The following ABCA3 variants were observed in gnomAD, a reference collection of about 807,000 sequenced individuals.
The protein encoded by ABCA3 is ATP binding cassette subfamily A member 3.
A neutral mutation model predicts 172.8 loss-of-function variants in ABCA3; 88 were observed. The observed-to-expected ratio is 0.51, with a 90% CI of 0.43 to 0.61. ABCA3 has a LOEUF of 0.61. Among genes scored for constraint, ABCA3 ranks in the 20% least tolerant of loss-of-function variants. The pLI, the probability that ABCA3 is intolerant of heterozygous loss-of-function variation, is 0.00. For synonymous variants in ABCA3, 1,066 were observed against 983.8 expected, an observed-to-expected ratio of 1.08 and a Z score of -1.56; for missense variants, 2,164 against 2,301.0, an observed-to-expected ratio of 0.94 and a Z score of 1.22.
At position 2,308,430 on chromosome 16, in the gene ABCA3, T is replaced by C. The variant is rs1567347716; in HGVS notation, c.1285+20A>G. On this transcript the variant is annotated intron_variant, in intron 11 of 32. Transcript: ENST00000301732. ...GGTTACTGATTCGGAAAGAACAGGC[T>C]GGACAAGGCAAACACTCACCTTTCG... 6.2e-7 allele frequency: 1 copy of C among 1,614,012 alleles called. No individual in the cohort carries two copies. Among genetic ancestry groups the C allele is most frequent in the African/African-American group, 1.3e-5 (1 of 75,058 alleles).
rs139954112 is a variant in ABCA3, at chr16:2,276,688, C to A, written c.5101G>T (p.Glu1701Ter). 3.1e-6 allele frequency: 5 copies of A among 1,613,550 alleles called. No individual in the cohort carries two copies. The change falls in exon 33 of 33, where the codon GAG becomes TAG. Residue 1701 changes from glutamate to a stop codon, truncating the protein, a stop_gained. Transcript: ENST00000301732. LOFTEE classifies it high-confidence loss of function. ...GCCGCCACCCCTCATCGCCCCTCCT[C>A]TGCGGTGGGCGGCTGCAGGTGGGCG... ...SFAHLQPPTA[E>*]EGR
chr16:2,295,061 C>G (rs978483762), intron 18 of ABCA3, among the ~76,000 whole-genome samples: 3 of 151,936 alleles, frequency 2.0e-5, no homozygotes, highest in African/African-American at 7.3e-5. Flanking sequence ...AAACAACAAA[C>G]TGGAGAAAAG....
chr16:2,292,820 C>A (rs1173550855), intron 18 of ABCA3, among the ~76,000 whole-genome samples: 1 of 151,550 alleles, frequency 6.6e-6, no homozygotes, highest in Non-Finnish European at 1.5e-5. Context: ...CCAGTCATGG[C>A]GGCTTGTGCC....
At chr16:2,339,729 T>C (rs1203650492) in intron 1 of ABCA3, among the ~76,000 whole-genome samples, 3 of 152,110 alleles carry the variant, frequency 2.0e-5, no homozygotes, top group African/African-American at 7.2e-5. Context: ...GAGTGCACAG[T>C]CCAGGACGTA....
intron 18 of ABCA3, 61 bp downstream of exon 18, chr16:2,295,529 A>C: frequency 6.2e-7 from 1 of 1,601,764 alleles, no homozygotes; most frequent in Non-Finnish European, 8.5e-7. Flanking sequence ...CAAAGCCCTC[A>C]TGGCCCATGG....
Position 2,284,394 on chromosome 16 carries a change from G to A in ABCA3, c.3747C>T (p.Phe1249=). 1 of 1,613,976 alleles carries A rather than the reference G, an allele frequency of 6.2e-7. No homozygotes were observed. The highest frequency in any genetic ancestry group is 1.1e-5 in the South Asian group (1 of 91,092). Residue 1249 remains phenylalanine (F), a synonymous_variant, in exon 25 of 33, where the codon TTC becomes TTT. Coordinates refer to ENST00000301732, the MANE Select transcript of ABCA3 (RefSeq NM_001089.3). This position sits in a 1 kb window ranked among gnomAD's most constrained non-coding sequence, Gnocchi z 5.9. The part of the protein sequence containing the change: ...EELSKTLDHV[F]LVLPNHCLGM... ...CCAGACAGTGGTTGGGCAGCACCAG[G>A]AACACGTGATCCAGGGTTTTGGAAA...
At chr16:2,302,588 T>C (rs1320023630) in intron 12 of ABCA3, among the ~76,000 whole-genome samples, 1 of 152,036 alleles carries the variant, frequency 6.6e-6, no homozygotes, top group Non-Finnish European at 1.5e-5. Context: ...CAAGTGATTC[T>C]TCTGCCTCAG....
At position 2,328,502 on chromosome 16, in the gene ABCA3, C is replaced by A. The variant is rs780897469; in HGVS notation, c.-76G>T. 3 of 512,720 alleles carry A rather than the reference C, an allele frequency of 5.9e-6. No homozygotes were observed. The highest frequency in any genetic ancestry group is 1.4e-5 in the South Asian group (1 of 69,948). 31.8% of individuals were successfully genotyped at this position (512,720 alleles called of 1,614,324 possible). ...GTAAGTTCAAGTAGGCGCTGCAACC[C>A]GCAGGAAATAGGAGAAACGTGCTCT... On this transcript the variant is annotated 5_prime_UTR_variant, in exon 3 of 33. Transcript: ENST00000301732.
At chr16:2,291,429 C>T (rs1450653820) in intron 19 of ABCA3, among the ~76,000 whole-genome samples, 1 of 151,830 alleles carries the variant, frequency 6.6e-6, no homozygotes, top group Non-Finnish European at 1.5e-5. Context: ...GGATGACAGG[C>T]GTGAGCCACC....
chr16:2,308,720 G>T, intron 10 of ABCA3, 97 bp from the exon 11 acceptor site: 1 of 1,421,416 alleles, frequency 7.0e-7, no homozygotes, highest in Non-Finnish European at 9.7e-7. Flanking sequence ...TCCTGGGGCC[G>T]AGCCACCCAA....
At chr16:2,301,571 G>A (rs1167531376) in intron 12 of ABCA3, among the ~76,000 whole-genome samples, 1 of 151,908 alleles carries the variant, frequency 6.6e-6, no homozygotes, top group African/African-American at 2.4e-5. Context: ...TTAGGTGCGT[G>A]TAGTGGTGGG....
At position 2,277,939 on chromosome 16, in the gene ABCA3, T is replaced by G. The variant is rs2093649142; in HGVS notation, c.4849A>C (p.Ser1617Arg). 6.2e-7 allele frequency: 1 copy of G among 1,611,830 alleles called. No individual in the cohort carries two copies. The highest frequency in any genetic ancestry group is 1.3e-5 in the African/African-American group (1 of 74,880). ...SGYSLRAKVQ[S>R]EGQQEALEEF... ...TCCAGCGCCTCCTGTTGCCCTTCAC[T>G]CTGCACCTTGGCCCGCAGGGAGTAG... The change falls in exon 31 of 33, where the codon AGT becomes CGT. Residue 1617 changes from serine (S) to arginine (R), a missense_variant. Ser to Arg is a moderately radical substitution (Grantham distance 110, BLOSUM62 -1). Coordinates refer to ENST00000301732, the MANE Select transcript of ABCA3 (RefSeq NM_001089.3). The surrounding 1 kb of genome is among the most constrained non-coding windows in gnomAD (Gnocchi z 5.3).
chr16:2,337,832 G>A (rs562559242), intron 1 of ABCA3, among the ~76,000 whole-genome samples: 6 of 152,342 alleles, frequency 3.9e-5, no homozygotes, highest in African/African-American at 9.6e-5. Flanking sequence ...GCTTGCTGGC[G>A]CTCATACTCA....
Position 2,322,050 on chromosome 16 carries a change from T to C in ABCA3, c.613+1473A>G, listed in dbSNP as rs558690855. Among the ~76,000 whole-genome samples, 9 of 151,938 alleles carry C rather than the reference T, an allele frequency of 5.9e-5. No individual in the cohort carries two copies. The East Asian group carries it at 1.7e-3, about 29-fold the overall frequency. On this transcript the variant is annotated intron_variant, in intron 7 of 32. Coordinates refer to ENST00000301732, the MANE Select transcript of ABCA3 (RefSeq NM_001089.3). ...CCGTCTCTACTAAAAATACAAAAAT[T>C]AGCTGGGCGTGGTGGTGTGCGCCTG...
Position 2,277,866 on chromosome 16 carries a change from G to T in ABCA3, c.4909+13C>A, listed in dbSNP as rs555551542. On this transcript the variant is annotated intron_variant, in intron 31 of 32. Coordinates refer to ENST00000301732, the MANE Select transcript of ABCA3 (RefSeq NM_001089.3). The surrounding 1 kb of genome is among the most constrained non-coding windows in gnomAD (Gnocchi z 5.3). ...GGGCCCACCCAGTGGGGGCTGCCGGGGCCGGCACACACCTGGAAAGGTCAG... is the reference window on the plus strand; with the variant it reads ...GGGCCCACCCAGTGGGGGCTGCCGGTGCCGGCACACACCTGGAAAGGTCAG... 9 of 1,608,066 alleles carry T rather than the reference G, an allele frequency of 5.6e-6. No homozygotes were observed. The East Asian group carries it at 2.0e-4, about 36-fold the overall frequency.
intron 18 of ABCA3, among the ~76,000 whole-genome samples, chr16:2,295,258 TAGTTCTG>T (rs1268347678): frequency 6.6e-6 from 1 of 152,012 alleles, no homozygotes; most frequent in African/African-American, 2.4e-5. Flanking sequence ...GTTTCACGAG[TAGTTCTG>T]AGTGCAGCCG....
At chr16:2,324,250 T>C (rs1255498027) in intron 6 of ABCA3, among the ~76,000 whole-genome samples, 154 bp downstream of exon 6, 1 of 152,192 alleles carries the variant, frequency 6.6e-6, no homozygotes, top group East Asian at 1.9e-4. Flanking sequence ...ACTGTGATGA[T>C]ATTATCAGAC....
Position 2,289,472 on chromosome 16 carries a change from T to C in ABCA3, c.2662A>G (p.Ile888Val), listed in dbSNP as rs1425959316. The change falls in exon 20 of 33, where the codon ATC (isoleucine) becomes GTC (valine). Residue 888 changes from isoleucine (I) to valine (V), a missense_variant. Physicochemically the swap from Ile to Val is conservative, Grantham distance 29. This residue lies in a region of ABCA3 where 1,343 missense variants were observed against 1,369.6 expected (regional missense o/e 0.98). Transcript: ENST00000301732. ...MDPSDGIGAL[I>V]EEERTAVKLN... ...TTGACAGCGGTGCGCTCCTCCTCGA[T>C]GAGGGCTCCAATGCCGTCGGAGGGG... 3.8e-6 allele frequency: 6 copies of C among 1,593,672 alleles called. No individual in the cohort carries two copies. The highest frequency in any genetic ancestry group is 5.1e-6 in the Non-Finnish European group (6 of 1,171,774).
chr16:2,304,187 C>T (rs771075404), intron 11 of ABCA3, 37 bp from the exon 12 acceptor site: 14 of 1,613,476 alleles, frequency 8.7e-6, no homozygotes, highest in Non-Finnish European at 1.2e-5. Context: ...CGAAAGCCAG[C>T]AGGCTGGGGG....
Sources: gnomAD v4.1 joint callset for allele counts (sites outside exome capture counted in the v4.1 genomes callset) on GRCh38, gnomAD v4.1.1 for gene constraint, gnomAD v4.1.1 regional missense constraint, Gnocchi (gnomAD v3.1) non-coding constraint, MANE v1.5 for transcripts, NCBI Gene and HGNC (gene_info 2026-07-23, HGNC 2026-07-21) for gene names.